Variants in DOK6 observed in about 807,000 individuals in gnomAD.
The protein encoded by DOK6 is downstream of tyrosine kinase 6.
A neutral mutation model predicts 44.0 loss-of-function variants in DOK6; 22 were observed. The observed-to-expected ratio is 0.50, with a 90% confidence interval of 0.36 to 0.71. The LOEUF (loss-of-function observed/expected upper bound fraction) is 0.71, where lower values mean the gene tolerates loss of function less well. Ranked by LOEUF, DOK6 falls within the 30% of genes least tolerant of loss-of-function variation. The pLI is 0.00. For synonymous variants in DOK6, 166 were observed against 145.5 expected (o/e 1.14, Z -1.01); for missense variants, 340 against 416.4 (o/e 0.82, Z 1.60).
At chr18:69,682,580 A>G (rs1006082229) in intron 4 of DOK6, among the ~76,000 whole-genome samples, 1 of 152,200 alleles carries the variant, frequency 6.6e-6, no homozygotes, top group Non-Finnish European at 1.5e-5. Context: ...ACACAATTTG[A>G]GCCTTTGAAT....
At chr18:69,733,285 A>G (rs1034030010) in intron 5 of DOK6, among the ~76,000 whole-genome samples, 5 of 152,152 alleles carry the variant, frequency 3.3e-5, no homozygotes, top group Admixed American at 6.5e-5. Flanking sequence ...TTCCTTCTAT[A>G]CTTAAACCCC....
intron 1 of DOK6, among the ~76,000 whole-genome samples, chr18:69,486,263 A>G (rs1375172706): frequency 6.6e-6 from 1 of 152,098 alleles, no homozygotes; most frequent in Non-Finnish European, 1.5e-5. Context: ...AAATTAACAC[A>G]TATAAACTGA....
intron 1 of DOK6, among the ~76,000 whole-genome samples, chr18:69,518,514 A>G (rs921645177): frequency 2.0e-5 from 3 of 152,158 alleles, no homozygotes; most frequent in Non-Finnish European, 2.9e-5. Flanking sequence ...TTTATGTATT[A>G]TTTAATAACC....
chr18:69,824,725 T>C (rs1981690693), intron 7 of DOK6, among the ~76,000 whole-genome samples: 1 of 152,182 alleles, frequency 6.6e-6, no homozygotes, highest in African/African-American at 2.4e-5. Context: ...TCATGACCCC[T>C]TGTGAATCCA....
At chr18:69,515,533 T>C (rs1322896761) in intron 1 of DOK6, among the ~76,000 whole-genome samples, 1 of 152,150 alleles carries the variant, frequency 6.6e-6, no homozygotes, top group Non-Finnish European at 1.5e-5. Context: ...AGGCGTGAAC[T>C]AACAAACATA....
chr18:69,755,714 G>A (rs1294262133), intron 6 of DOK6, among the ~76,000 whole-genome samples: 1 of 152,204 alleles, frequency 6.6e-6, no homozygotes, highest in East Asian at 1.9e-4. Flanking sequence ...TCTACCTGCA[G>A]AGTCCCCCAC....
intron 6 of DOK6, among the ~76,000 whole-genome samples, chr18:69,743,116 C>T (rs920436393): frequency 6.6e-6 from 1 of 152,178 alleles, no homozygotes; most frequent in African/African-American, 2.4e-5. Flanking sequence ...TTTCAAACTA[C>T]AAACCAGTCT....
chr18:69,527,402 G>A (rs1981860658), intron 1 of DOK6, among the ~76,000 whole-genome samples: 2 of 152,126 alleles, frequency 1.3e-5, no homozygotes, highest in Admixed American at 1.3e-4. Context: ...TTTTCACATG[G>A]CAGCAGGAGA....
At chr18:69,741,984 C>T (rs1329005535) in intron 6 of DOK6, among the ~76,000 whole-genome samples, 1 of 152,130 alleles carries the variant, frequency 6.6e-6, no homozygotes, top group African/African-American at 2.4e-5. Flanking sequence ...CTTTTCACAC[C>T]ATATAAGACC....
chr18:69,675,218 C>CT (rs1337495723), intron 3 of DOK6, among the ~76,000 whole-genome samples: 1 of 152,062 alleles, frequency 6.6e-6, no homozygotes, highest in African/African-American at 2.4e-5. Context: ...TCATAGAAGC[C>CT]TTTTACTGTA....
At chr18:69,796,060 G>C (rs1469194472) in intron 7 of DOK6, among the ~76,000 whole-genome samples, 2 of 152,140 alleles carry the variant, frequency 1.3e-5, no homozygotes, top group African/African-American at 2.4e-5. Flanking sequence ...CAATTATCTG[G>C]GCAGCGGCAG....
At chr18:69,449,136 T>C (rs1979380909) in intron 1 of DOK6, among the ~76,000 whole-genome samples, 1 of 152,238 alleles carries the variant, frequency 6.6e-6, no homozygotes, top group African/African-American at 2.4e-5. Context: ...TTGTGGTCTT[T>C]AATTACTAGT....
intron 1 of DOK6, among the ~76,000 whole-genome samples, chr18:69,460,181 T>C (rs544454441): frequency 6.6e-6 from 1 of 152,214 alleles, no homozygotes; most frequent in African/African-American, 2.4e-5. Flanking sequence ...GAATGACAAG[T>C]GAAAATGCAA....
chr18:69,758,338 A>G (rs1348314104), intron 7 of DOK6, among the ~76,000 whole-genome samples: 5 of 152,220 alleles, frequency 3.3e-5, no homozygotes, highest in Non-Finnish European at 1.5e-5. Context: ...TCAAAGCCTT[A>G]ATACAGAAAC....
chr18:69,762,784 G>A (rs1435626319), intron 7 of DOK6, among the ~76,000 whole-genome samples: 1 of 152,154 alleles, frequency 6.6e-6, no homozygotes, highest in Non-Finnish European at 1.5e-5. Flanking sequence ...TCAAAGCTTT[G>A]ACTTAGCTCA....
intron 7 of DOK6, among the ~76,000 whole-genome samples, chr18:69,813,742 T>C (rs948591682): frequency 6.6e-6 from 1 of 152,028 alleles, no homozygotes; most frequent in African/African-American, 2.4e-5. Flanking sequence ...TAGAGCATGG[T>C]ACACAGGAGC....
intron 7 of DOK6, among the ~76,000 whole-genome samples, chr18:69,787,131 G>A (rs547828564): frequency 3.9e-5 from 6 of 152,242 alleles, no homozygotes; most frequent in South Asian, 2.1e-4. Flanking sequence ...CAGGAGAATC[G>A]CTTGAACCTG....
intron 5 of DOK6, among the ~76,000 whole-genome samples, chr18:69,714,847 A>T (rs900394201): frequency 6.6e-6 from 1 of 152,224 alleles, no homozygotes; most frequent in Non-Finnish European, 1.5e-5. Flanking sequence ...AAGTTGGATT[A>T]TACTTTCATT....
intron 3 of DOK6, among the ~76,000 whole-genome samples, chr18:69,600,109 G>T (rs1983838274): frequency 6.6e-6 from 1 of 152,128 alleles, no homozygotes; most frequent in Non-Finnish European, 1.5e-5. Flanking sequence ...TAAAGATTTT[G>T]CTCAATGCAA....
Sources: gnomAD v4.1 joint callset for allele counts (sites outside exome capture counted in the v4.1 genomes callset) on GRCh38, gnomAD v4.1.1 for gene constraint, MANE v1.5 for transcripts, NCBI Gene and HGNC (gene_info 2026-07-23, HGNC 2026-07-21) for gene names.